The following VAC14 variants were observed in gnomAD, a reference collection of about 807,000 sequenced individuals.
VAC14 encodes protein VAC14 homolog.
A neutral mutation model predicts 85.3 loss-of-function variants in VAC14; 47 were observed. The observed-to-expected ratio is 0.55, with a 90% confidence interval of 0.44 to 0.70. The LOEUF (loss-of-function observed/expected upper bound fraction) is 0.70. Ranked by LOEUF, VAC14 falls within the 30% of genes least tolerant of loss-of-function variation. VAC14 has a pLI of 0.00. For synonymous variants in VAC14, 447 were observed against 430.5 expected (o/e 1.04, Z -0.47); for missense variants, 861 against 1,004.3 (o/e 0.86, Z 1.93).
At chr16:70,712,843 T>C (rs2054064086) in intron 14 of VAC14, among the ~76,000 whole-genome samples, 1 of 152,218 alleles carries the variant, frequency 6.6e-6, no homozygotes, top group Non-Finnish European at 1.5e-5. Flanking sequence ...CTCTGTGTGC[T>C]TCTCTTGGAC....
intron 13 of VAC14, among the ~76,000 whole-genome samples, chr16:70,736,970 C>G (rs1403918124): frequency 6.6e-6 from 1 of 152,162 alleles, no homozygotes; most frequent in Non-Finnish European, 1.5e-5. Flanking sequence ...GCTGCTCGCT[C>G]TTTCCCAGCC....
At chr16:70,796,981 A>T (rs927884449) in intron 1 of VAC14, among the ~76,000 whole-genome samples, 4 of 152,208 alleles carry the variant, frequency 2.6e-5, no homozygotes, top group African/African-American at 4.8e-5. Context: ...TAATCCCAGC[A>T]CTTTGGGAGG....
At chr16:70,786,731 G>A (rs188627027) in intron 1 of VAC14, among the ~76,000 whole-genome samples, 44 of 152,302 alleles carry the variant, frequency 2.9e-4, no homozygotes, top group African/African-American at 8.7e-4. Context: ...AATTCTCCGC[G>A]TCTGAGCGAC....
chr16:70,736,125 C>T (rs913666222), intron 13 of VAC14, among the ~76,000 whole-genome samples: 6 of 152,166 alleles, frequency 3.9e-5, no homozygotes, highest in Non-Finnish European at 7.4e-5. Flanking sequence ...GGGAGAGGTG[C>T]GGGGCCGTTC....
chr16:70,745,816 G>A lies in VAC14; in HGVS notation c.1372-1237C>T, dbSNP rs541764027. Among the ~76,000 whole-genome samples the A allele has an allele frequency of 2.3e-5, 3 of 130,562 alleles. No individual in the cohort carries two copies. In the East Asian group the frequency reaches 6.6e-4, roughly 29 times the overall value. The allele number at this position is 130,562 out of a possible 152,430, so 85.7% of individuals were successfully genotyped here. ...ACTCTGAGCCCAGGCCAAGAATAAC[G>A]ACGGCAACCGGGGCTTCAGCCCTGG... On this transcript the variant is annotated intron_variant, in intron 12 of 18. Transcript: ENST00000261776.
At position 70,689,102 on chromosome 16, in the gene VAC14, G is replaced by C. The variant is rs1461737018; in HGVS notation, c.2187-1012C>G. On this transcript the variant is annotated intron_variant, in intron 18 of 18. Coordinates refer to ENST00000261776, the MANE Select transcript of VAC14 (RefSeq NM_018052.5). ...GGGTGCAGGCACTGGCAGAGCACAG[G>C]ATCTAGACAGACCTGGACCCAACCA... 1.5e-5 allele frequency: 15 copies of C among 984,458 alleles called. No individual in the cohort carries two copies. In the African/African-American group the frequency reaches 1.6e-4, roughly 10 times the overall value. The allele number at this position is 984,458 out of a possible 1,614,324, so 61.0% of individuals were successfully genotyped here.
intron 14 of VAC14, among the ~76,000 whole-genome samples, chr16:70,701,717 G>C (rs189252432): frequency 1.2e-4 from 18 of 152,138 alleles, no homozygotes; most frequent in African/African-American, 4.1e-4. Context: ...AGCGGCTTCC[G>C]CCTGGATCTG....
intron 13 of VAC14, among the ~76,000 whole-genome samples, chr16:70,743,273 C>CAGTA (rs2030536587): frequency 6.6e-6 from 1 of 152,186 alleles, no homozygotes; most frequent in African/African-American, 2.4e-5. Flanking sequence ...ACGTACCAAT[C>CAGTA]AGTACTCTGT....
intron 14 of VAC14, among the ~76,000 whole-genome samples, chr16:70,712,887 G>T (rs1447037046): frequency 1.3e-5 from 2 of 152,186 alleles, no homozygotes; most frequent in Admixed American, 1.3e-4. Context: ...CGGAGCCCAC[G>T]GGCAGGGCTG....
At chr16:70,749,247 C>A (rs752191187) in intron 12 of VAC14, among the ~76,000 whole-genome samples, 1 of 152,256 alleles carries the variant, frequency 6.6e-6, no homozygotes, top group Admixed American at 6.5e-5. Flanking sequence ...GGCTTCCAAC[C>A]CCGCTTTCTC....
intron 14 of VAC14, among the ~76,000 whole-genome samples, chr16:70,711,508 C>T (rs551129375): frequency 1.3e-5 from 2 of 152,118 alleles, no homozygotes; most frequent in African/African-American, 4.8e-5. Context: ...CGGTCCCGAG[C>T]CTGCTGTGCA....
intron 16 of VAC14, 200 bp downstream of exon 16, chr16:70,696,939 T>C (rs889802140): frequency 2.1e-5 from 11 of 526,892 alleles, no homozygotes; most frequent in African/African-American, 7.7e-5. Context: ...GAGCCCCTCT[T>C]TGCTGCCAAT....
At chr16:70,786,112 G>C in intron 2 of VAC14, 103 bp downstream of exon 2, 1 of 1,517,322 alleles carries the variant, frequency 6.6e-7, no homozygotes, top group East Asian at 2.3e-5. Context: ...ATAAAACATA[G>C]GTCTGCAATG....
chr16:70,769,685 A>G (rs541139073), intron 10 of VAC14: 3 of 152,220 alleles, frequency 2.0e-5, no homozygotes, highest in Non-Finnish European at 4.4e-5. Context: ...CCAGTCTAGC[A>G]CTTCCTGGCC....
At chr16:70,782,974 G>A in intron 7 of VAC14, 59 bp downstream of exon 7, 2 of 1,473,442 alleles carry the variant, frequency 1.4e-6, no homozygotes, top group Non-Finnish European at 1.9e-6. Context: ...GGCTTCTGCA[G>A]AGGTGGCAGT....
intron 18 of VAC14, chr16:70,691,279 C>T: frequency 8.1e-6 from 8 of 985,402 alleles, no homozygotes; most frequent in Non-Finnish European, 9.6e-6. Context: ...AGGAGGACTC[C>T]CAGGAAGGCA....
chr16:70,703,529 G>A (rs1455570051), intron 14 of VAC14, among the ~76,000 whole-genome samples: 1 of 152,232 alleles, frequency 6.6e-6, no homozygotes, highest in African/African-American at 2.4e-5. Context: ...GCCATTTAGG[G>A]AAGGCTCCTC....
chr16:70,794,869 T>C (rs1324376627), intron 1 of VAC14, among the ~76,000 whole-genome samples: 1 of 152,232 alleles, frequency 6.6e-6, no homozygotes, highest in Non-Finnish European at 1.5e-5. Flanking sequence ...ATAAATACAG[T>C]TATGTGCCAC....
At chr16:70,751,083 A>T (rs1313851303) in intron 12 of VAC14, among the ~76,000 whole-genome samples, 2 of 152,208 alleles carry the variant, frequency 1.3e-5, no homozygotes, top group African/African-American at 4.8e-5. Flanking sequence ...GCTCCTGCCA[A>T]GGAGGATGGA....
Sources: allele counts gnomAD v4.1 joint callset (sites outside exome capture counted in the v4.1 genomes callset), GRCh38; gene constraint gnomAD v4.1.1; transcripts MANE v1.5; gene names NCBI Gene and HGNC (gene_info 2026-07-23, HGNC 2026-07-21).